SLC9A9: variants seen among roughly 807,000 people sequenced by gnomAD.
SLC9A9 encodes the protein solute carrier family 9 member A9, also known as sodium/hydrogen exchanger 9.
Under a neutral mutation model 77.8 loss-of-function variants are expected in SLC9A9, and 62 were observed. That is an observed-to-expected ratio of 0.80 (90% CI 0.65 to 0.98). The LOEUF (loss-of-function observed/expected upper bound fraction) is 0.98, where lower values mean the gene tolerates loss of function less well. SLC9A9 is among the 50% of genes least tolerant of loss of function. The pLI is 0.00. For synonymous variants in SLC9A9, 320 were observed against 283.5 expected (o/e 1.13, Z -1.29); for missense variants, 775 against 774.9 (o/e 1.00, Z 0.00).
intron 6 of SLC9A9, among the ~76,000 whole-genome samples, chr3:143,579,014 T>C (rs1305276438): frequency 1.3e-5 from 2 of 152,176 alleles, no homozygotes; most frequent in Non-Finnish European, 2.9e-5. Context: ...TAAAACATGG[T>C]AGGTGTATAA....
chr3:143,304,968 G>A (rs2030711251), intron 14 of SLC9A9, among the ~76,000 whole-genome samples: 1 of 152,138 alleles, frequency 6.6e-6, no homozygotes, highest in Admixed American at 6.5e-5. Flanking sequence ...TTGGGTCTAT[G>A]AATAATAACT....
intron 6 of SLC9A9, among the ~76,000 whole-genome samples, chr3:143,597,531 G>A (rs1381730032): frequency 1.3e-5 from 2 of 152,220 alleles, no homozygotes; most frequent in Admixed American, 1.3e-4. Context: ...CGTAAGAAAA[G>A]CTGCTCAGGA....
chr3:143,680,605 A>C (rs1933056197), intron 5 of SLC9A9, among the ~76,000 whole-genome samples: 1 of 152,192 alleles, frequency 6.6e-6, no homozygotes. Context: ...ACTTGCTGCT[A>C]AATTTTTTAA....
At chr3:143,793,436 G>A (rs529421407) in intron 4 of SLC9A9, among the ~76,000 whole-genome samples, 2 of 152,128 alleles carry the variant, frequency 1.3e-5, no homozygotes, top group Non-Finnish European at 2.9e-5. Flanking sequence ...CTATAATTTG[G>A]CAGCATTGTC....
chr3:143,553,636 G>A (rs1357497951), intron 8 of SLC9A9, among the ~76,000 whole-genome samples: 1 of 152,010 alleles, frequency 6.6e-6, no homozygotes, highest in Non-Finnish European at 1.5e-5. Context: ...TTATTTTTCA[G>A]GTCAGCATTG....
chr3:143,543,664 A>C (rs2036730733), intron 9 of SLC9A9, among the ~76,000 whole-genome samples: 1 of 152,008 alleles, frequency 6.6e-6, no homozygotes, highest in South Asian at 2.1e-4. Context: ...TTCCTGTGTT[A>C]ATTTGCTTAG....
At chr3:143,380,984 C>G (rs1343347424) in intron 13 of SLC9A9, among the ~76,000 whole-genome samples, 1 of 152,172 alleles carries the variant, frequency 6.6e-6, no homozygotes, top group Non-Finnish European at 1.5e-5. Flanking sequence ...TTATGATATT[C>G]TCCTATTATA....
chr3:143,451,251 A>G (rs941505087), intron 12 of SLC9A9, among the ~76,000 whole-genome samples: 14 of 152,196 alleles, frequency 9.2e-5, no homozygotes, highest in African/African-American at 3.4e-4. Context: ...ACTGAGTACA[A>G]TGAAATCTGC....
At chr3:143,342,612 C>CCAAA (rs2032138134) in intron 14 of SLC9A9, among the ~76,000 whole-genome samples, 1 of 152,160 alleles carries the variant, frequency 6.6e-6, no homozygotes. Flanking sequence ...ACCTTCAAGG[C>CCAAA]CAAACAGCTT....
At chr3:143,595,319 G>A (rs1559985051) in intron 6 of SLC9A9, among the ~76,000 whole-genome samples, 1 of 152,186 alleles carries the variant, frequency 6.6e-6, no homozygotes, top group Non-Finnish European at 1.5e-5. Flanking sequence ...ATACTAAGAT[G>A]TATTTCACTT....
intron 9 of SLC9A9, among the ~76,000 whole-genome samples, chr3:143,524,355 T>C (rs1335539813): frequency 6.6e-6 from 1 of 152,056 alleles, no homozygotes; most frequent in Non-Finnish European, 1.5e-5. Flanking sequence ...ATCCAACTGA[T>C]GGCCTCAGTT....
chr3:143,310,709 A>T (rs547519166), intron 14 of SLC9A9, among the ~76,000 whole-genome samples: 35 of 152,312 alleles, frequency 2.3e-4, no homozygotes, highest in Middle Eastern at 3.4e-3. Flanking sequence ...CTAAGAAAAT[A>T]TCCTGTGTGT....
At chr3:143,476,362 C>T (rs1341380472) in intron 11 of SLC9A9, among the ~76,000 whole-genome samples, 3 of 152,180 alleles carry the variant, frequency 2.0e-5, no homozygotes, top group Admixed American at 2.0e-4. Flanking sequence ...AAACTTAAGG[C>T]TACTAAGAAG....
Position 143,402,396 on chromosome 3 carries a change from T to C in SLC9A9, c.1470-20282A>G, listed in dbSNP as rs150108082. ...GAAATCTGCAAATATTATTGCAGTG[T>C]GGTAGAATGTGGCATTTCTCAAACT... is the stretch of plus-strand genomic sequence containing the variant. On this transcript the variant is annotated intron_variant, in intron 12 of 15. Coordinates refer to ENST00000316549, the MANE Select transcript of SLC9A9 (RefSeq NM_173653.4). Among the ~76,000 whole-genome samples, 32 of 151,870 alleles carry C rather than the reference T, an allele frequency of 2.1e-4. No individual in the cohort carries two copies. The East Asian group carries it at 3.3e-3, about 16-fold the overall frequency.
In SLC9A9 at chr3:143,738,006, C is replaced by T. The variant is rs190441233; in HGVS notation, c.534-44699G>A. On this transcript the variant is annotated intron_variant, in intron 4 of 15. Transcript: ENST00000316549. Reference sequence around the variant, plus strand: ...GGATTTTTAATTTTTTACATAGTAACATTTTATTCCATGCTTTTTGGTGCA... The same window carrying T: ...GGATTTTTAATTTTTTACATAGTAATATTTTATTCCATGCTTTTTGGTGCA... 4.6e-5 allele frequency among the ~76,000 whole-genome samples: 7 copies of T among 152,304 alleles called. No homozygotes were observed. In the East Asian group the frequency reaches 7.7e-4, roughly 17 times the overall value.
intron 12 of SLC9A9, among the ~76,000 whole-genome samples, chr3:143,460,320 G>C (rs1453864944): frequency 6.6e-6 from 1 of 152,072 alleles, no homozygotes; most frequent in African/African-American, 2.4e-5. Context: ...GCATTCAGAG[G>C]GAGAGAAAGT....
chr3:143,280,594 G>T (rs1234799185), intron 14 of SLC9A9, among the ~76,000 whole-genome samples: 1 of 141,044 alleles, frequency 7.1e-6, no homozygotes, highest in African/African-American at 2.7e-5. Flanking sequence ...ATTTTGCCCA[G>T]GCTGGCGAGT....
At chr3:143,756,948 T>C (rs186231166) in intron 4 of SLC9A9, among the ~76,000 whole-genome samples, 4 of 152,328 alleles carry the variant, frequency 2.6e-5, no homozygotes, top group Admixed American at 2.0e-4. Context: ...GTAAACTGCC[T>C]CAAAGCCTTT....
At chr3:143,282,822 A>G (rs1938264176) in intron 14 of SLC9A9, among the ~76,000 whole-genome samples, 1 of 152,166 alleles carries the variant, frequency 6.6e-6, no homozygotes, top group African/African-American at 2.4e-5. Flanking sequence ...AAACACCACT[A>G]TTTTCATTAA....
Sources: allele counts gnomAD v4.1 joint callset (sites outside exome capture counted in the v4.1 genomes callset), GRCh38; gene constraint gnomAD v4.1.1; transcripts MANE v1.5; gene names NCBI Gene and HGNC (gene_info 2026-07-23, HGNC 2026-07-21).